FAM227B: variants seen among roughly 807,000 people sequenced by gnomAD.
FAM227B encodes the protein family with sequence similarity 227 member B, also known as protein FAM227B.
FAM227B carries 88 observed loss-of-function variants against 73.8 expected under a neutral mutation model. The ratio of observed to expected loss-of-function variants is 1.19; its 90% CI spans 1.00 to 1.42. The LOEUF is 1.42. Among genes scored for constraint, FAM227B ranks in the 40% most tolerant of loss-of-function variants. FAM227B has a pLI of 0.00. For synonymous variants in FAM227B, 210 were observed against 190.5 expected, an observed-to-expected ratio of 1.10 and a Z score of -0.84; for missense variants, 632 against 590.9, an observed-to-expected ratio of 1.07 and a Z score of -0.72.
chr15:49,585,291 T>C (rs111946803), intron 5 of FAM227B, among the ~76,000 whole-genome samples: 1,684 of 152,306 alleles, frequency 0.011, 35 homozygotes, highest in African/African-American at 0.039. Context: ...TGGCGATTCC[T>C]CAGAGATCTA....
At chr15:49,366,019 G>A (rs1438445343) in intron 13 of FAM227B, 4 of 802,128 alleles carry the variant, frequency 5.0e-6, no homozygotes, top group African/African-American at 3.4e-5. Flanking sequence ...TATTACAACT[G>A]TAAGAGGACT....
intron 13 of FAM227B, among the ~76,000 whole-genome samples, chr15:49,354,776 C>A (rs997601254): frequency 6.6e-6 from 1 of 152,066 alleles, no homozygotes; most frequent in African/African-American, 2.4e-5. Flanking sequence ...TAGGCTCCAC[C>A]TCTGGGGGCA....
intron 11 of FAM227B, among the ~76,000 whole-genome samples, chr15:49,505,664 A>G (rs1038870754): frequency 7.2e-5 from 11 of 152,084 alleles, no homozygotes; most frequent in African/African-American, 2.7e-4. Flanking sequence ...GGTATAGGTA[A>G]ATAGCCAATA....
chr15:49,396,934 GA>G (rs1941742656), intron 11 of FAM227B, among the ~76,000 whole-genome samples: 1 of 152,210 alleles, frequency 6.6e-6, no homozygotes, highest in African/African-American at 2.4e-5. Flanking sequence ...CTAAAAAGCA[GA>G]GCGCCTCTCC....
chr15:49,360,070 C>G (rs1249912965), intron 13 of FAM227B, among the ~76,000 whole-genome samples: 1 of 121,750 alleles, frequency 8.2e-6, no homozygotes, highest in Non-Finnish European at 1.6e-5. Context: ...AGGGGAATAT[C>G]ACACTCTGGG....
Position 49,620,152 on chromosome 15 carries a change from C to T in FAM227B, c.-73+548G>A, listed in dbSNP as rs1035722842. ...GCCTTACCCAAGTCCGAAAAAGAAGCCTTTATTGACCACTCCATTCTCAGC... is the reference window on the plus strand; with the variant it reads ...GCCTTACCCAAGTCCGAAAAAGAAGTCTTTATTGACCACTCCATTCTCAGC... On this transcript the variant is annotated intron_variant, in intron 1 of 15. Coordinates refer to ENST00000299338, the MANE Select transcript of FAM227B (RefSeq NM_152647.3). 10 of 152,266 alleles carry T rather than the reference C, an allele frequency of 6.6e-5. No homozygotes were observed. In the South Asian group the frequency reaches 1.2e-3, roughly 19 times the overall value. The allele number at this position is 152,266 out of a possible 1,614,324, so 9.4% of individuals were successfully genotyped here.
At chr15:49,334,038 T>C (rs2039275946) in intron 14 of FAM227B, among the ~76,000 whole-genome samples, 1 of 152,182 alleles carries the variant, frequency 6.6e-6, no homozygotes, top group African/African-American at 2.4e-5. Context: ...AGAGTAAAAA[T>C]AGATGATGAT....
chr15:49,432,767 G>A lies in FAM227B; in HGVS notation c.1013-61368C>T, dbSNP rs190074534. ...GAGTAATATTTTGTGCATGAATACTGGACAGAAATCCAGGGATTTGCAGTG... is the reference window on the plus strand; with the variant it reads ...GAGTAATATTTTGTGCATGAATACTAGACAGAAATCCAGGGATTTGCAGTG... On this transcript the variant is annotated intron_variant, in intron 11 of 15. Transcript: ENST00000299338. 7.9e-5 allele frequency among the ~76,000 whole-genome samples: 12 copies of A among 151,604 alleles called. No individual in the cohort carries two copies. In the East Asian group the frequency reaches 1.8e-3, roughly 22 times the overall value.
chr15:49,435,485 T>C (rs1166891592), intron 11 of FAM227B, among the ~76,000 whole-genome samples: 1 of 151,602 alleles, frequency 6.6e-6, no homozygotes, highest in African/African-American at 2.4e-5. Flanking sequence ...TATGCTACTT[T>C]CATAAAACTA....
At chr15:49,406,011 G>A (rs2048483225) in intron 11 of FAM227B, among the ~76,000 whole-genome samples, 1 of 152,134 alleles carries the variant, frequency 6.6e-6, no homozygotes, top group African/African-American at 2.4e-5. Context: ...GATTCCAGGG[G>A]GCCAACGCTC....
intron 11 of FAM227B, among the ~76,000 whole-genome samples, chr15:49,480,374 C>T (rs373065287): frequency 8.6e-5 from 13 of 151,950 alleles, no homozygotes; most frequent in African/African-American, 3.1e-4. Context: ...GTGGTGTGAC[C>T]TCGGCTCATT....
At chr15:49,608,568 T>G (rs1454317886) in intron 3 of FAM227B, among the ~76,000 whole-genome samples, 2 of 152,084 alleles carry the variant, frequency 1.3e-5, no homozygotes, top group African/African-American at 2.4e-5. Flanking sequence ...TTCCTTTATA[T>G]TAAGCTTTGA....
chr15:49,565,365 G>C (rs994028329), intron 9 of FAM227B, among the ~76,000 whole-genome samples: 1 of 136,260 alleles, frequency 7.3e-6, no homozygotes, highest in Non-Finnish European at 1.5e-5. Flanking sequence ...CTGGGTGACA[G>C]AGTGAGACTC....
chr15:49,445,610 T>C (rs891140674), intron 11 of FAM227B, among the ~76,000 whole-genome samples: 3 of 151,568 alleles, frequency 2.0e-5, no homozygotes, highest in African/African-American at 7.3e-5. Flanking sequence ...CTATACACTG[T>C]ATATATGAAA....
rs538992007 is a variant in FAM227B at position 49,453,094 on chromosome 15, T to C, written c.1012+55117A>G. Among the ~76,000 whole-genome samples, 3 of 152,226 alleles carry C rather than the reference T, an allele frequency of 2.0e-5. No homozygotes were observed. In the East Asian group the frequency reaches 5.8e-4, roughly 29 times the overall value. Reference sequence around the variant, plus strand: ...TTTTATAAATAATCTTAGGTAATCATCCTAAAATATTGCATTGAGGTCAAC... The same window carrying C: ...TTTTATAAATAATCTTAGGTAATCACCCTAAAATATTGCATTGAGGTCAAC... On this transcript the variant is annotated intron_variant, in intron 11 of 15. Coordinates refer to ENST00000299338, the MANE Select transcript of FAM227B (RefSeq NM_152647.3).
intron 11 of FAM227B, among the ~76,000 whole-genome samples, chr15:49,385,200 T>C (rs1596751931): frequency 6.6e-6 from 1 of 151,952 alleles, no homozygotes; most frequent in African/African-American, 2.4e-5. Flanking sequence ...TCTTGACCAA[T>C]TGTTTAAAGT....
At chr15:49,458,075 C>A (rs1450161836) in intron 11 of FAM227B, among the ~76,000 whole-genome samples, 2 of 151,836 alleles carry the variant, frequency 1.3e-5, no homozygotes, top group Non-Finnish European at 2.9e-5. Flanking sequence ...TGTAAAAATT[C>A]TCTGAAAACT....
At chr15:49,384,959 T>G (rs1404008779) in intron 11 of FAM227B, among the ~76,000 whole-genome samples, 1 of 151,998 alleles carries the variant, frequency 6.6e-6, no homozygotes, top group African/African-American at 2.4e-5. Context: ...TTTTTTTCCA[T>G]GAAAAACATT....
intron 1 of FAM227B, among the ~76,000 whole-genome samples, chr15:49,618,416 T>C (rs74466997): frequency 0.017 from 2,533 of 152,346 alleles, 32 homozygotes; most frequent in Middle Eastern, 0.037. Context: ...TGTGATGCTT[T>C]AGCAGTTTGC....
Sources: gnomAD v4.1 joint callset for allele counts (sites outside exome capture counted in the v4.1 genomes callset) on GRCh38, gnomAD v4.1.1 for gene constraint, MANE v1.5 for transcripts, NCBI Gene and HGNC (gene_info 2026-07-23, HGNC 2026-07-21) for gene names.